Variants in NCKAP5 observed in about 807,000 individuals in gnomAD.
The protein encoded by NCKAP5 is NCK associated protein 5.
In NCKAP5, 92 loss-of-function variants were observed where a neutral mutation model predicts 167.0. That is an observed-to-expected ratio of 0.55 (90% CI 0.47 to 0.66). The LOEUF (loss-of-function observed/expected upper bound fraction) is 0.66. Ranked by LOEUF, NCKAP5 falls within the 30% of genes least tolerant of loss-of-function variation. The pLI, the probability that NCKAP5 is intolerant of heterozygous loss-of-function variation, is 0.00. For synonymous variants in NCKAP5, 891 were observed against 877.4 expected (o/e 1.02, Z -0.27); for missense variants, 2,378 against 2,315.0 (o/e 1.03, Z -0.56).
At chr2:133,015,449 G>A (rs2078298620) in intron 6 of NCKAP5, among the ~76,000 whole-genome samples, 1 of 152,082 alleles carries the variant, frequency 6.6e-6, no homozygotes, top group South Asian at 2.1e-4. Flanking sequence ...ACTCATGGAA[G>A]AGCTCAAATC....
At chr2:132,997,943 A>G (rs908736289) in intron 6 of NCKAP5, among the ~76,000 whole-genome samples, 1 of 152,194 alleles carries the variant, frequency 6.6e-6, no homozygotes, top group Admixed American at 6.5e-5. Context: ...CCGAACTATC[A>G]TAAACAAGGA....
At chr2:133,208,310 C>A (rs1368770517) in intron 5 of NCKAP5, among the ~76,000 whole-genome samples, 1 of 152,058 alleles carries the variant, frequency 6.6e-6, no homozygotes, top group African/African-American at 2.4e-5. Flanking sequence ...TGCATTCTGG[C>A]CTGGGCAACA....
At chr2:132,795,902 A>AT (rs1232834208) in intron 12 of NCKAP5, among the ~76,000 whole-genome samples, 1 of 98,860 alleles carries the variant, frequency 1.0e-5, no homozygotes, top group East Asian at 5.4e-4. Context: ...TAAAAACTCC[A>AT]TACTTAAAAA....
intron 8 of NCKAP5, among the ~76,000 whole-genome samples, chr2:132,909,792 T>C (rs1694300943): frequency 6.6e-6 from 1 of 152,240 alleles, no homozygotes; most frequent in South Asian, 2.1e-4. Context: ...CAAATGCTGC[T>C]GTTTTCACCA....
At chr2:133,474,155 T>TCTATACACAC (rs1553649110) in intron 3 of NCKAP5, among the ~76,000 whole-genome samples, 1 of 142,566 alleles carries the variant, frequency 7.0e-6, no homozygotes, top group Admixed American at 7.0e-5. Flanking sequence ...TATCTATCTA[T>TCTATACACAC]ACACACACAC....
At chr2:133,662,757 T>C in the NCKAP5 span, among the ~76,000 whole-genome samples, 3 of 151,568 alleles carry the variant, frequency 2.0e-5, no homozygotes, top group African/African-American at 7.3e-5. Context: ...TGGCTATAGT[T>C]ACTGCTGTAG....
At chr2:133,307,192 C>T (rs369408772) in intron 3 of NCKAP5, among the ~76,000 whole-genome samples, 7 of 152,040 alleles carry the variant, frequency 4.6e-5, no homozygotes, top group Non-Finnish European at 7.4e-5. Flanking sequence ...GAATTGACAA[C>T]GAAAACTTAC....
intron 8 of NCKAP5, among the ~76,000 whole-genome samples, chr2:132,894,055 G>A (rs1170623083): frequency 1.3e-5 from 2 of 152,194 alleles, no homozygotes; most frequent in Non-Finnish European, 2.9e-5. Flanking sequence ...CACTGAGGCG[G>A]ATGGAGCCAG....
chr2:133,594,694 A>G, the NCKAP5 span, among the ~76,000 whole-genome samples: 1 of 152,186 alleles, frequency 6.6e-6, no homozygotes, highest in East Asian at 1.9e-4. Context: ...CTTTTCTTGC[A>G]GGGTTTTGTC....
chr2:133,328,538 G>A (rs1381260479), intron 3 of NCKAP5, among the ~76,000 whole-genome samples: 1 of 152,154 alleles, frequency 6.6e-6, no homozygotes, highest in Non-Finnish European at 1.5e-5. Flanking sequence ...AGAGCTCCTG[G>A]AGTCTCCACT....
intron 12 of NCKAP5, among the ~76,000 whole-genome samples, 176 bp from the exon 13 acceptor site, chr2:132,790,381 C>G (rs113989249): frequency 1.6e-3 from 241 of 152,264 alleles, no homozygotes; most frequent in Middle Eastern, 3.4e-3. Flanking sequence ...GTACACCTAA[C>G]GCACAGAACA....
chr2:133,125,553 G>C (rs527499399), intron 6 of NCKAP5, among the ~76,000 whole-genome samples: 3 of 152,108 alleles, frequency 2.0e-5, no homozygotes, highest in Non-Finnish European at 2.9e-5. Flanking sequence ...CAGCCACACA[G>C]ACAATGGGTT....
At chr2:133,483,829 T>C (rs572964790) in intron 3 of NCKAP5, among the ~76,000 whole-genome samples, 7 of 152,300 alleles carry the variant, frequency 4.6e-5, no homozygotes, top group African/African-American at 1.7e-4. Context: ...CCCATATCTA[T>C]TGAAGCAGAA....
intron 6 of NCKAP5, among the ~76,000 whole-genome samples, chr2:133,112,200 C>T (rs1010201475): frequency 6.6e-6 from 1 of 152,136 alleles, no homozygotes; most frequent in African/African-American, 2.4e-5. Context: ...CTAGGTATGG[C>T]GTGGTGGCTC....
chr2:132,947,616 G>A, intron 8 of NCKAP5, among the ~76,000 whole-genome samples: 1 of 152,076 alleles, frequency 6.6e-6, no homozygotes, highest in East Asian at 1.9e-4. Flanking sequence ...TCTACTGCCT[G>A]GGAAATTAAA....
intron 16 of NCKAP5, among the ~76,000 whole-genome samples, chr2:132,742,190 A>C (rs1287378909): frequency 6.6e-6 from 1 of 152,044 alleles, no homozygotes; most frequent in East Asian, 1.9e-4. Flanking sequence ...GGTGGCTATT[A>C]TGGGTGGTTC....
chr2:133,471,669 C>G lies in NCKAP5; in HGVS notation c.69+45789G>C, dbSNP rs537483716. Among the ~76,000 whole-genome samples, 8 of 152,296 alleles carry G rather than the reference C, an allele frequency of 5.3e-5. No individual in the cohort carries two copies. In the South Asian group the frequency reaches 1.0e-3, roughly 20 times the overall value. On this transcript the variant is annotated intron_variant, in intron 3 of 19. Coordinates refer to ENST00000409261, the MANE Select transcript of NCKAP5 (RefSeq NM_207363.3). ...ACTGATGCTTTGGATACACAGTTAACATGGCTTCCTCCCAGGCTTTATCAT... is the reference window on the plus strand; with the variant it reads ...ACTGATGCTTTGGATACACAGTTAAGATGGCTTCCTCCCAGGCTTTATCAT...
At chr2:133,540,526 A>C in intron 2 of NCKAP5, among the ~76,000 whole-genome samples, 1 of 152,238 alleles carries the variant, frequency 6.6e-6, no homozygotes, top group Non-Finnish European at 1.5e-5. Context: ...CACTAAAATA[A>C]TGAAGGATAT....
intron 3 of NCKAP5, among the ~76,000 whole-genome samples, chr2:133,417,329 C>T (rs1359774168): frequency 6.6e-6 from 1 of 152,154 alleles, no homozygotes; most frequent in Non-Finnish European, 1.5e-5. Flanking sequence ...CCATTAACCC[C>T]GATTGCCTCC....
Sources: gnomAD v4.1 joint callset for allele counts (sites outside exome capture counted in the v4.1 genomes callset) on GRCh38, gnomAD v4.1.1 for gene constraint, MANE v1.5 for transcripts, NCBI Gene and HGNC (gene_info 2026-07-23, HGNC 2026-07-21) for gene names.